Variants in RIMBP2 observed in about 807,000 individuals in gnomAD.
The protein encoded by RIMBP2 is RIMS-binding protein 2.
Under a neutral mutation model 118.6 loss-of-function variants are expected in RIMBP2, and 48 were observed. The ratio of observed to expected loss-of-function variants is 0.40; its 90% CI spans 0.32 to 0.51. RIMBP2 has a LOEUF of 0.51. Among genes scored for constraint, RIMBP2 ranks in the 20% least tolerant of loss-of-function variants. The pLI, the probability that RIMBP2 is intolerant of heterozygous loss-of-function variation, is 0.41. For missense variants in RIMBP2, 1,551 were observed against 1,768.3 expected, an observed-to-expected ratio of 0.88 and a Z score of 2.20; for synonymous variants, 762 against 742.9, an observed-to-expected ratio of 1.03 and a Z score of -0.42.
At chr12:130,413,733 T>C (rs187924770) in intron 18 of RIMBP2, among the ~76,000 whole-genome samples, 325 of 151,556 alleles carry the variant, frequency 2.1e-3, no homozygotes, top group African/African-American at 7.5e-3. Context: ...CTCCAGCCTC[T>C]AGCTGCTGAT....
chr12:130,469,131 T>A lies in RIMBP2; in HGVS notation c.153+1562A>T, dbSNP rs1204894575. 6.6e-6 allele frequency: 1 copy of A among 152,638 alleles called. No individual in the cohort carries two copies. The highest frequency in any genetic ancestry group is 6.5e-5 in the Admixed American group (1 of 15,294). 9.5% of individuals were successfully genotyped at this position (152,638 alleles called of 1,614,324 possible). The stretch of plus-strand genomic sequence containing the variant: ...CGCCAAGCACGCCGGGCAGGGAAGA[T>A]GCTATTCTCTAGAATACCTGCATGC... On this transcript the variant is annotated intron_variant, in intron 6 of 22. Coordinates refer to ENST00000690449, the MANE Select transcript of RIMBP2 (RefSeq NM_001393629.1). The surrounding 1 kb of genome is among the most constrained non-coding windows in gnomAD (Gnocchi z 4.8).
At chr12:130,619,779 C>A (rs1472864097) in intron 2 of RIMBP2, among the ~76,000 whole-genome samples, 1 of 152,198 alleles carries the variant, frequency 6.6e-6, no homozygotes, top group African/African-American at 2.4e-5. Context: ...CACCGGGGAG[C>A]TGGCTGCTGT....
At chr12:130,690,197 G>A in intron 1 of RIMBP2, among the ~76,000 whole-genome samples, 1 of 152,196 alleles carries the variant, frequency 6.6e-6, no homozygotes. Context: ...AGGCTCCAGG[G>A]ATTAGGCTGG....
intron 1 of RIMBP2, among the ~76,000 whole-genome samples, chr12:130,678,249 C>T (rs2064594774): frequency 6.6e-6 from 1 of 152,166 alleles, no homozygotes; most frequent in Non-Finnish European, 1.5e-5. Context: ...GGGGGAGCAG[C>T]GAAAACGCCA....
chr12:130,421,808 G>A (rs2076430503), intron 17 of RIMBP2, among the ~76,000 whole-genome samples: 1 of 151,938 alleles, frequency 6.6e-6, no homozygotes, highest in Non-Finnish European at 1.5e-5. Flanking sequence ...TCCTTGCCAT[G>A]ATTGATTCCA....
rs544268838 is a variant in RIMBP2 at position 130,419,015 on chromosome 12, C to T, written c.3238+3438G>A. 5.9e-5 allele frequency among the ~76,000 whole-genome samples: 9 copies of T among 152,124 alleles called. No homozygotes were observed. Among genetic ancestry groups the T allele is most frequent in the Non-Finnish European group, 8.8e-5 (6 of 68,026 alleles). On this transcript the variant is annotated intron_variant, in intron 17 of 22. Transcript: ENST00000690449. The surrounding 1 kb of genome is among the most constrained non-coding windows in gnomAD (Gnocchi z 4.3). Reference sequence around the variant, plus strand: ...GGTGGGTGGAGCACTTGGAGTTGAACGTATGTGAATAAAATCAGCGTATGC... The same window carrying T: ...GGTGGGTGGAGCACTTGGAGTTGAATGTATGTGAATAAAATCAGCGTATGC...
chr12:130,545,418 A>AAT (rs1360109600), intron 2 of RIMBP2, among the ~76,000 whole-genome samples: 2 of 46,096 alleles, frequency 4.3e-5, no homozygotes, highest in African/African-American at 1.4e-4. Flanking sequence ...GATAAATTAT[A>AAT]ACATTATAAA....
At chr12:130,506,358 C>T (rs1566163439) in intron 4 of RIMBP2, among the ~76,000 whole-genome samples, 1 of 152,194 alleles carries the variant, frequency 6.6e-6, no homozygotes, top group Non-Finnish European at 1.5e-5. Context: ...GACTCCATTT[C>T]CATTCAGGAG....
chr12:130,552,874 C>T (rs1045380008), intron 2 of RIMBP2, among the ~76,000 whole-genome samples: 5 of 152,066 alleles, frequency 3.3e-5, no homozygotes, highest in East Asian at 3.9e-4. Flanking sequence ...GACAGGTCGC[C>T]GGGCGTGGTG....
At chr12:130,455,238 T>C (rs2079328433) in intron 7 of RIMBP2, among the ~76,000 whole-genome samples, 1 of 152,272 alleles carries the variant, frequency 6.6e-6, no homozygotes, top group Non-Finnish European at 1.5e-5. Flanking sequence ...TCCTCCACTC[T>C]TCAGGTGTCA....
At position 130,517,841 on chromosome 12, in the gene RIMBP2, C is replaced by T. The variant is rs1039670909; in HGVS notation, c.-140G>A. 4.4e-5 allele frequency: 43 copies of T among 985,384 alleles called. No individual in the cohort carries two copies. Among genetic ancestry groups the T allele is most frequent in the Middle Eastern group, 5.2e-4 (1 of 1,936 alleles). The allele number at this position is 985,384 out of a possible 1,614,324, so 61.0% of individuals were successfully genotyped here. A position where few individuals can be genotyped will look rare whatever the true frequency, so the allele number is the denominator to read the frequency against. ...GGTATCAGCTACCTTGTCATGCTGC[C>T]GGGCCCTTGTGGGAAGGCCTGCATG... On this transcript the variant is annotated 5_prime_UTR_variant, in exon 3 of 23. Transcript: ENST00000690449.
chr12:130,456,933 GGA>G (rs1360877514), intron 6 of RIMBP2, among the ~76,000 whole-genome samples: 7 of 152,316 alleles, frequency 4.6e-5, no homozygotes, highest in Admixed American at 3.3e-4. Context: ...CACTTTCACG[GGA>G]GAGCAGTGCC....
rs184909479 is a variant in RIMBP2 at position 130,472,914 on chromosome 12, T to C, written c.103-2171A>G. Among the ~76,000 whole-genome samples, 8 of 152,232 alleles carry C rather than the reference T, an allele frequency of 5.3e-5. No individual in the cohort carries two copies. In the East Asian group the frequency reaches 1.5e-3, roughly 29 times the overall value. ...AGCTCAACCGTCGAAGGCCGAAAAC[T>C]GTTCCTTTCAAAGCAAAAACCAGCA... On this transcript the variant is annotated intron_variant, in intron 5 of 22. Transcript: ENST00000690449.
chr12:130,541,072 G>T, intron 2 of RIMBP2, among the ~76,000 whole-genome samples: 1 of 152,136 alleles, frequency 6.6e-6, no homozygotes, highest in Non-Finnish European at 1.5e-5. Context: ...GAGGAGGAGT[G>T]ATAGCCCTGC....
chr12:130,673,141 A>G (rs7970509), intron 1 of RIMBP2, among the ~76,000 whole-genome samples: 45,615 of 152,194 alleles, frequency 0.3, 7,478 homozygotes, highest in Non-Finnish European at 0.39. Flanking sequence ...GACTTGGGCT[A>G]AGTTGTTAGA....
At chr12:130,645,739 C>G (rs986992165) in intron 1 of RIMBP2, among the ~76,000 whole-genome samples, 7 of 152,224 alleles carry the variant, frequency 4.6e-5, no homozygotes, top group Non-Finnish European at 8.8e-5. Flanking sequence ...CGTGCCTGAT[C>G]TCTTCCTTAT....
Position 130,519,337 on chromosome 12 carries a change from G to A in RIMBP2, c.-216-1420C>T, listed in dbSNP as rs1304161676. ...CTTAGCCACAGTCATAATGAGCTCC[G>A]CTACTCTGTGGTAGCTACATTTTCA... On this transcript the variant is annotated intron_variant, in intron 2 of 22. Transcript: ENST00000690449. Among the ~76,000 whole-genome samples, 10 of 152,142 alleles carry A rather than the reference G, an allele frequency of 6.6e-5. 1 individual carries two copies. Among genetic ancestry groups the A allele is most frequent in the Non-Finnish European group, 2.9e-5 (2 of 68,024 alleles).
chr12:130,444,398 A>C (rs2078363413), intron 10 of RIMBP2, among the ~76,000 whole-genome samples: 1 of 152,162 alleles, frequency 6.6e-6, no homozygotes, highest in South Asian at 2.1e-4. Flanking sequence ...GCTCCGAGAA[A>C]ACAGCATGAG....
chr12:130,539,277 T>C (rs1258075766), intron 2 of RIMBP2, among the ~76,000 whole-genome samples: 1 of 152,248 alleles, frequency 6.6e-6, no homozygotes, highest in East Asian at 1.9e-4. Context: ...ACATAAAATA[T>C]ACTATGTTTA....
Sources: allele counts gnomAD v4.1 joint callset (sites outside exome capture counted in the v4.1 genomes callset), GRCh38; gene constraint gnomAD v4.1.1; non-coding constraint Gnocchi (gnomAD v3.1); transcripts MANE v1.5; gene names NCBI Gene and HGNC (gene_info 2026-07-23, HGNC 2026-07-21).